Variants in ANXA10 observed in about 807,000 individuals in gnomAD.
ANXA10 encodes the protein annexin 14.
ANXA10 carries 49 observed loss-of-function variants against 53.5 expected under a neutral mutation model. That is an observed-to-expected ratio of 0.92 (90% CI 0.73 to 1.16). ANXA10 has a LOEUF of 1.16. Ranked by LOEUF, ANXA10 falls within the 50% of genes most tolerant of loss-of-function variation. The pLI, the probability that ANXA10 is intolerant of heterozygous loss-of-function variation, is 0.00. For synonymous variants in ANXA10, 131 were observed against 128.9 expected (o/e 1.02, Z -0.11); for missense variants, 393 against 394.4 (o/e 1.00, Z 0.03).
chr4:168,102,796 A>T (rs569119499), intron 1 of ANXA10, among the ~76,000 whole-genome samples: 23 of 152,220 alleles, frequency 1.5e-4, no homozygotes, highest in Non-Finnish European at 3.2e-4. Flanking sequence ...CAAGATTGCT[A>T]GGTCATATGG....
intron 2 of ANXA10, among the ~76,000 whole-genome samples, chr4:168,128,711 T>C (rs1287567894): frequency 6.6e-6 from 1 of 152,104 alleles, no homozygotes; most frequent in Non-Finnish European, 1.5e-5. Flanking sequence ...AATCCTTCTT[T>C]GGGCACTGCA....
At chr4:168,115,097 G>T (rs780919193) in intron 1 of ANXA10, among the ~76,000 whole-genome samples, 14 of 152,162 alleles carry the variant, frequency 9.2e-5, no homozygotes, top group Non-Finnish European at 1.8e-4. Context: ...TGCTCAGGCT[G>T]GTCTGGAACT....
intron 1 of ANXA10, among the ~76,000 whole-genome samples, chr4:168,097,967 C>T (rs1320802811): frequency 6.6e-6 from 1 of 151,884 alleles, no homozygotes; most frequent in African/African-American, 2.4e-5. Flanking sequence ...GTTAGAACAC[C>T]TCTCTAGATA....
intron 4 of ANXA10, among the ~76,000 whole-genome samples, chr4:168,163,704 T>G (rs983060162): frequency 1.3e-5 from 2 of 152,132 alleles, no homozygotes; most frequent in Non-Finnish European, 2.9e-5. Context: ...TCCATGTGTC[T>G]GCAAGAGACC....
intron 1 of ANXA10, among the ~76,000 whole-genome samples, chr4:168,123,528 T>C (rs1178097333): frequency 1.3e-5 from 2 of 152,146 alleles, no homozygotes; most frequent in Non-Finnish European, 2.9e-5. Context: ...ACTTGGGGGA[T>C]GAGGAATTTG....
At chr4:168,164,790 G>A (rs1169564646) in intron 5 of ANXA10, among the ~76,000 whole-genome samples, 3 of 152,194 alleles carry the variant, frequency 2.0e-5, no homozygotes, top group East Asian at 1.9e-4. Flanking sequence ...GTTCTATTGC[G>A]TTATGTAGTA....
intron 1 of ANXA10, among the ~76,000 whole-genome samples, chr4:168,098,434 C>T (rs1020718499): frequency 2.0e-5 from 3 of 152,058 alleles, no homozygotes; most frequent in African/African-American, 7.2e-5. Flanking sequence ...CACCCACATC[C>T]GACCCTTATC....
chr4:168,118,209 G>T (rs2149467767), intron 1 of ANXA10, among the ~76,000 whole-genome samples: 1 of 150,750 alleles, frequency 6.6e-6, no homozygotes, highest in East Asian at 1.9e-4. Context: ...GAAACAAGGG[G>T]GAAAAAAATG....
chr4:168,158,968 C>T (rs1250827819), intron 3 of ANXA10, among the ~76,000 whole-genome samples: 2 of 152,122 alleles, frequency 1.3e-5, no homozygotes, highest in Admixed American at 6.6e-5. Flanking sequence ...AGCTCTTGCT[C>T]CCCCTTTGCC....
At chr4:168,163,920 C>G (rs1731828841) in intron 4 of ANXA10, among the ~76,000 whole-genome samples, 1 of 152,170 alleles carries the variant, frequency 6.6e-6, no homozygotes, top group East Asian at 1.9e-4. Context: ...ATGAGCATTG[C>G]TTGAACATGT....
At chr4:168,143,319 A>T (rs2149472792) in intron 3 of ANXA10, among the ~76,000 whole-genome samples, 1 of 152,312 alleles carries the variant, frequency 6.6e-6, no homozygotes, top group East Asian at 1.9e-4. Flanking sequence ...TTAAATTTTC[A>T]TTAACAAGAA....
At position 168,177,605 on chromosome 4, in the gene ANXA10, T is replaced by C. The variant is rs569938588; in HGVS notation, c.481-135T>C. 36 of 784,370 alleles carry C rather than the reference T, an allele frequency of 4.6e-5. No homozygotes were observed. In the South Asian group the frequency reaches 5.9e-4, roughly 13 times the overall value. The allele number at this position is 784,370 out of a possible 1,614,324, so 48.6% of individuals were successfully genotyped here. ...CTAAAGTATTCATGAAATCAGGAAA[T>C]GAACACTTACTCCAGATAATAAAAG... On this transcript the variant is annotated intron_variant, in intron 6 of 11. Transcript: ENST00000359299.
intron 1 of ANXA10, among the ~76,000 whole-genome samples, chr4:168,105,029 G>C (rs1183056303): frequency 1.3e-5 from 2 of 151,890 alleles, no homozygotes; most frequent in African/African-American, 2.4e-5. Flanking sequence ...ATGTAGATGA[G>C]TGAATTTGTT....
chr4:168,121,061 T>A (rs1407566514), intron 1 of ANXA10, among the ~76,000 whole-genome samples: 1 of 152,122 alleles, frequency 6.6e-6, no homozygotes, highest in East Asian at 1.9e-4. Context: ...AGCAATTCTA[T>A]CTTTTAAAAA....
Position 168,139,527 on chromosome 4 carries a change from T to C in ANXA10, c.142T>C (p.Cys48Arg). 6.2e-7 allele frequency: 1 copy of C among 1,613,292 alleles called. No homozygotes were observed. Residue 48 changes from cysteine (C) to arginine (R), a missense_variant, in exon 3 of 12, where the codon TGC becomes CGC. Coordinates refer to ENST00000359299, the MANE Select transcript of ANXA10 (RefSeq NM_007193.5). ...DMLINILTQR[C>R]NAQRMMIAEA... ...GCTGATCAACATTCTGACTCAGCGC[T>C]GCAATGCACAAAGGATGATGATTGC...
intron 2 of ANXA10, among the ~76,000 whole-genome samples, chr4:168,131,696 G>T (rs114631172): frequency 1.3e-5 from 2 of 151,772 alleles, no homozygotes; most frequent in African/African-American, 4.8e-5. Flanking sequence ...ACATATTAAG[G>T]TTTGTTATAT....
chr4:168,116,616 CA>C (rs1730897799), intron 1 of ANXA10, among the ~76,000 whole-genome samples: 1 of 151,710 alleles, frequency 6.6e-6, no homozygotes, highest in Non-Finnish European at 1.5e-5. Flanking sequence ...ATCAGAGAGG[CA>C]AAAAGGCACT....
chr4:168,179,052 A>G (rs1257846364), intron 8 of ANXA10, among the ~76,000 whole-genome samples, 165 bp from the exon 9 acceptor site: 1 of 152,224 alleles, frequency 6.6e-6, no homozygotes, highest in African/African-American at 2.4e-5. Context: ...GACTCTACTA[A>G]GAGTATTTGT....
chr4:168,147,676 C>T (rs891554174), intron 3 of ANXA10, among the ~76,000 whole-genome samples: 17 of 152,322 alleles, frequency 1.1e-4, no homozygotes, highest in Non-Finnish European at 2.9e-5. Context: ...CCATTTCAAA[C>T]CTTGTTCAAA....
Sources: gnomAD v4.1 joint callset for allele counts (sites outside exome capture counted in the v4.1 genomes callset) on GRCh38, gnomAD v4.1.1 for gene constraint, MANE v1.5 for transcripts, NCBI Gene and HGNC (gene_info 2026-07-23, HGNC 2026-07-21) for gene names.